CAPN7: variants seen among roughly 807,000 people sequenced by gnomAD.
The protein encoded by CAPN7 is calpain 7, also known as calpain-7.
Under a neutral mutation model 115.2 loss-of-function variants are expected in CAPN7, and 72 were observed. The observed-to-expected ratio is 0.63, with a 90% CI of 0.52 to 0.76. The LOEUF is 0.76. CAPN7 is among the 30% of genes least tolerant of loss of function. The pLI is 0.00. For missense variants in CAPN7, 905 were observed against 971.5 expected, an observed-to-expected ratio of 0.93 and a Z score of 0.91; for synonymous variants, 344 against 322.3, an observed-to-expected ratio of 1.07 and a Z score of -0.72.
intron 1 of CAPN7, among the ~76,000 whole-genome samples, chr3:15,208,067 CTA>C (rs1039414498): frequency 1.3e-5 from 2 of 152,106 alleles, no homozygotes; most frequent in African/African-American, 4.8e-5. Flanking sequence ...ATTATGATGG[CTA>C]TGACATGACC....
Position 15,213,195 on chromosome 3 carries a change from C to T in CAPN7, c.211+983C>T, listed in dbSNP as rs551743666. Reference sequence around the variant, plus strand: ...AATGAAGTTCTTAAATTTAACTGCCCAATATTAGGAACTTTGTTTCATAAC... The same window carrying T: ...AATGAAGTTCTTAAATTTAACTGCCTAATATTAGGAACTTTGTTTCATAAC... On this transcript the variant is annotated intron_variant, in intron 2 of 20. Transcript: ENST00000253693. Among the ~76,000 whole-genome samples, 59 of 152,262 alleles carry T rather than the reference C, an allele frequency of 3.9e-4. 1 individual carries two copies. Among genetic ancestry groups the T allele is most frequent in the South Asian group, 2.9e-3 (14 of 4,820 alleles).
At position 15,234,994 on chromosome 3, in the gene CAPN7, TTTAA is replaced by T. The variant is rs1451044808; in HGVS notation, c.1287-24_1287-21del. 3.8e-6 allele frequency: 6 copies of T among 1,583,630 alleles called. No individual in the cohort carries two copies. The African/African-American group carries it at 4.1e-5, about 11-fold the overall frequency. On this transcript the variant is annotated intron_variant, in intron 11 of 20. Coordinates refer to ENST00000253693, the MANE Select transcript of CAPN7 (RefSeq NM_014296.3). ...ATCTTAGATTACAAATGTGTTTTAC[TTTAA>T]TTAATTGTCTTTGGGGTTCATTCCA... is the stretch of plus-strand genomic sequence containing the variant.
chr3:15,229,100 C>G (rs375942691), intron 8 of CAPN7, 41 bp downstream of exon 8: 1 of 1,406,460 alleles, frequency 7.1e-7, no homozygotes, highest in African/African-American at 1.4e-5. Flanking sequence ...GTGTAATTGT[C>G]CCTTAACTAG....
chr3:15,245,913 A>C, intron 17 of CAPN7: 1 of 379,376 alleles, frequency 2.6e-6, no homozygotes, highest in East Asian at 4.9e-5. Flanking sequence ...CCCCGTGGTA[A>C]TATAGTATGT....
At chr3:15,229,183 G>C in intron 8 of CAPN7, 124 bp downstream of exon 8, 1 of 644,078 alleles carries the variant, frequency 1.6e-6, no homozygotes, top group Non-Finnish European at 2.7e-6. Flanking sequence ...CCCTTCTGTA[G>C]AAATTAAGCA....
chr3:15,237,688 G>A lies in CAPN7; in HGVS notation c.1407+2543G>A, dbSNP rs532743520. On this transcript the variant is annotated intron_variant, in intron 12 of 20. Coordinates refer to ENST00000253693, the MANE Select transcript of CAPN7 (RefSeq NM_014296.3). ...AAATGCCAGTCAAAACATTTTAAGT[G>A]GCTGGGCACCGTGGGTCACCCCTAT... 3.5e-3 allele frequency among the ~76,000 whole-genome samples: 532 copies of A among 152,260 alleles called. 4 individuals are homozygous for A. Among genetic ancestry groups the A allele is most frequent in the African/African-American group, 0.012 (514 of 41,538 alleles).
At chr3:15,249,848 T>G (rs1695897730) in intron 19 of CAPN7, among the ~76,000 whole-genome samples, 1 of 150,712 alleles carries the variant, frequency 6.6e-6, no homozygotes, top group Non-Finnish European at 1.5e-5. Context: ...CACTGCAACC[T>G]CCGCCTCCTG....
At chr3:15,235,597 C>G (rs956967018) in intron 12 of CAPN7, among the ~76,000 whole-genome samples, 1 of 152,160 alleles carries the variant, frequency 6.6e-6, no homozygotes, top group African/African-American at 2.4e-5. Context: ...TGTTTTACCT[C>G]AGATCATCAG....
intron 12 of CAPN7, among the ~76,000 whole-genome samples, chr3:15,239,368 T>A (rs934581883): frequency 5.3e-5 from 8 of 152,232 alleles, no homozygotes; most frequent in Admixed American, 2.0e-4. Context: ...CAAATATTAT[T>A]TTGGATTTAC....
rs1694760173 is a variant in CAPN7, at chr3:15,232,659, C to T, written c.1173C>T (p.Ser391=). Residue 391 remains serine, a synonymous_variant, in exon 10 of 21, where the codon TCC becomes TCT. Transcript: ENST00000253693. ...TGGGAGGATATGATTTTCCAGGATC[C>T]AACTCCGTAAGTAATAGATAAGACG... The part of the protein sequence containing the change: ...KVMGGYDFPG[S]NSNIDLHALT... The T allele has an allele frequency of 3.7e-6, 6 of 1,605,494 alleles. No individual in the cohort carries two copies. The highest frequency in any genetic ancestry group is 5.1e-6 in the Non-Finnish European group (6 of 1,176,748).
At chr3:15,223,963 TAGCAC>T (rs1559394258) in intron 6 of CAPN7, among the ~76,000 whole-genome samples, 8 of 152,360 alleles carry the variant, frequency 5.3e-5, no homozygotes, top group African/African-American at 1.4e-4. Flanking sequence ...GAGAATTAGT[TAGCAC>T]AGCCTTCCAG....
At chr3:15,216,615 G>A (rs1693616002) in intron 2 of CAPN7, among the ~76,000 whole-genome samples, 1 of 151,898 alleles carries the variant, frequency 6.6e-6, no homozygotes, top group Non-Finnish European at 1.5e-5. Context: ...CTAGGCTCAG[G>A]GTAAATAGAA....
Position 15,230,549 on chromosome 3 carries a change from C to T in CAPN7, c.1032+14C>T, listed in dbSNP as rs772805854. On this transcript the variant is annotated intron_variant, in intron 9 of 20. Transcript: ENST00000253693. The stretch of plus-strand genomic sequence containing the variant: ...GTCCCAAGAAAGGTGAATAATGTCT[C>T]TCCCCACTCCCATCCCTTGTCTCTC... 1 of 1,441,474 alleles carries T rather than the reference C, an allele frequency of 6.9e-7. No individual in the cohort carries two copies. Among genetic ancestry groups the T allele is most frequent in the Non-Finnish European group, 9.8e-7 (1 of 1,024,432 alleles). The allele number at this position is 1,441,474 out of a possible 1,614,324, so 89.3% of individuals were successfully genotyped here.
At chr3:15,231,924 A>G (rs906234520) in intron 9 of CAPN7, among the ~76,000 whole-genome samples, 4 of 152,200 alleles carry the variant, frequency 2.6e-5, no homozygotes, top group Admixed American at 2.6e-4. Flanking sequence ...TCTTACAACT[A>G]TACATGAGTC....
chr3:15,245,123 AAAGTT>A (rs1695580677), intron 16 of CAPN7, among the ~76,000 whole-genome samples: 1 of 151,920 alleles, frequency 6.6e-6, no homozygotes, highest in South Asian at 2.1e-4. Context: ...AAAAAAAAAA[AAAGTT>A]AATTTAAACC....
intron 5 of CAPN7, among the ~76,000 whole-genome samples, chr3:15,221,262 C>G (rs1693963961): frequency 6.6e-6 from 1 of 151,708 alleles, no homozygotes; most frequent in Admixed American, 6.6e-5. Flanking sequence ...TCACTGCAAC[C>G]TCTGCCTCCT....
intron 3 of CAPN7, 42 bp downstream of exon 3, chr3:15,217,624 C>A: frequency 6.8e-7 from 1 of 1,479,366 alleles, no homozygotes; most frequent in East Asian, 2.4e-5. Context: ...TTATGCCAAA[C>A]CATTTCTTCT....
At chr3:15,245,443 C>T in intron 16 of CAPN7, 83 bp from the exon 17 acceptor site, 1 of 1,256,090 alleles carries the variant, frequency 8.0e-7, no homozygotes, top group Non-Finnish European at 1.1e-6. Context: ...GATGTCCATC[C>T]AAGTAATTAT....
intron 9 of CAPN7, chr3:15,232,040 C>T: frequency 3.6e-6 from 1 of 278,690 alleles, no homozygotes; most frequent in South Asian, 3.2e-5. Context: ...GTTGAGTATC[C>T]CTTATCCGAA....
Sources: gnomAD v4.1 joint callset for allele counts (sites outside exome capture counted in the v4.1 genomes callset) on GRCh38, gnomAD v4.1.1 for gene constraint, MANE v1.5 for transcripts, NCBI Gene and HGNC (gene_info 2026-07-23, HGNC 2026-07-21) for gene names.